HPSE2: variants seen among roughly 807,000 people sequenced by gnomAD.
The protein encoded by HPSE2 is inactive heparanase-2.
A neutral mutation model predicts 60.5 loss-of-function variants in HPSE2; 38 were observed. The ratio of observed to expected loss-of-function variants is 0.63; its 90% CI spans 0.48 to 0.82. The LOEUF (loss-of-function observed/expected upper bound fraction) is 0.82. Among genes scored for constraint, HPSE2 ranks in the 40% least tolerant of loss-of-function variants. The pLI is 0.00. For synonymous variants in HPSE2, 295 were observed against 293.2 expected, an observed-to-expected ratio of 1.01 and a Z score of -0.06; for missense variants, 713 against 740.4, an observed-to-expected ratio of 0.96 and a Z score of 0.43.
At chr10:98,623,674 A>G (rs958900105) in intron 7 of HPSE2, among the ~76,000 whole-genome samples, 2 of 152,228 alleles carry the variant, frequency 1.3e-5, no homozygotes, top group East Asian at 1.9e-4. Flanking sequence ...CAATATCTTC[A>G]TCCACATTTA....
intron 3 of HPSE2, among the ~76,000 whole-genome samples, chr10:98,988,025 C>T (rs193256217): frequency 6.6e-6 from 1 of 152,200 alleles, no homozygotes; most frequent in Non-Finnish European, 1.5e-5. Flanking sequence ...ACATTCCATG[C>T]TCATGGATAG....
intron 3 of HPSE2, among the ~76,000 whole-genome samples, chr10:98,810,665 C>T (rs11189827): frequency 1.3e-5 from 2 of 151,866 alleles, no homozygotes; most frequent in Admixed American, 6.6e-5. Context: ...CAGGGGTATA[C>T]GGTCTTTTGG....
At chr10:99,139,092 T>C (rs1470217050) in intron 3 of HPSE2, among the ~76,000 whole-genome samples, 1 of 152,126 alleles carries the variant, frequency 6.6e-6, no homozygotes, top group African/African-American at 2.4e-5. Context: ...TACCATGAAA[T>C]ACTACTCAGC....
chr10:98,693,588 G>A (rs1412628814), intron 6 of HPSE2, among the ~76,000 whole-genome samples: 1 of 152,190 alleles, frequency 6.6e-6, no homozygotes, highest in Non-Finnish European at 1.5e-5. Context: ...AAAAGCCTAT[G>A]GGAAAACAGT....
intron 2 of HPSE2, among the ~76,000 whole-genome samples, chr10:99,211,035 C>T (rs916801536): frequency 6.6e-6 from 1 of 152,068 alleles, no homozygotes; most frequent in Non-Finnish European, 1.5e-5. Context: ...AACCAAAAAA[C>T]TGTCAGAACT....
chr10:99,208,509 ACCC>A (rs1848839190), intron 2 of HPSE2, among the ~76,000 whole-genome samples: 1 of 151,984 alleles, frequency 6.6e-6, no homozygotes, highest in African/African-American at 2.4e-5. Flanking sequence ...ACATGGCAAA[ACCC>A]CATCTCTGCA....
intron 3 of HPSE2, among the ~76,000 whole-genome samples, chr10:98,750,404 T>C (rs952385374): frequency 1.3e-5 from 2 of 152,118 alleles, no homozygotes; most frequent in Non-Finnish European, 1.5e-5. Context: ...AGCCATTAGA[T>C]GGTTTTGAAT....
chr10:98,568,248 T>A (rs377177488), intron 9 of HPSE2, among the ~76,000 whole-genome samples: 1 of 152,170 alleles, frequency 6.6e-6, no homozygotes, highest in African/African-American at 2.4e-5. Flanking sequence ...CTGGGTGAAG[T>A]CCTTAGTTTA....
At chr10:98,654,881 G>A (rs1947017073) in intron 6 of HPSE2, among the ~76,000 whole-genome samples, 1 of 152,160 alleles carries the variant, frequency 6.6e-6, no homozygotes, top group South Asian at 2.1e-4. Flanking sequence ...TATATCAGTA[G>A]ATGCCAGAGG....
intron 3 of HPSE2, among the ~76,000 whole-genome samples, chr10:98,828,607 C>T (rs1030948101): frequency 6.6e-6 from 1 of 152,130 alleles, no homozygotes; most frequent in African/African-American, 2.4e-5. Context: ...TATGTTCAAC[C>T]ATCACTAATC....
At chr10:99,239,314 A>T (rs1849909349), upstream of HPSE2, among the ~76,000 whole-genome samples, 1 of 152,084 alleles carries the variant, frequency 6.6e-6, no homozygotes, top group Non-Finnish European at 1.5e-5. Context: ...GGTTCCCAGA[A>T]CTGTAAGAAA....
Position 98,920,973 on chromosome 10 carries a change from C to G in HPSE2, c.611-176917G>C, listed in dbSNP as rs371908181. 2.0e-5 allele frequency among the ~76,000 whole-genome samples: 3 copies of G among 152,268 alleles called. No individual in the cohort carries two copies. In the East Asian group the frequency reaches 5.8e-4, roughly 29 times the overall value. On this transcript the variant is annotated intron_variant, in intron 3 of 11. Transcript: ENST00000370552. ...GGATGACATTGCCTTAGAGTCAACA[C>G]ACAAGAATTCTAGTCAAGGGAGGCA...
chr10:98,740,933 C>T (rs1949480554), intron 4 of HPSE2, among the ~76,000 whole-genome samples: 1 of 152,064 alleles, frequency 6.6e-6, no homozygotes, highest in African/African-American at 2.4e-5. Context: ...GAATACTGTA[C>T]ATTGGATATC....
the HPSE2 span, among the ~76,000 whole-genome samples, chr10:99,261,864 C>A: frequency 6.6e-6 from 1 of 152,236 alleles, no homozygotes; most frequent in African/African-American, 2.4e-5. Flanking sequence ...GATCTTGCTT[C>A]AAGTGCCAAA....
intron 7 of HPSE2, among the ~76,000 whole-genome samples, chr10:98,621,334 G>A (rs1946068600): frequency 6.6e-6 from 1 of 152,022 alleles, no homozygotes; most frequent in African/African-American, 2.4e-5. Context: ...CCTGTCGAAA[G>A]GTGGCACACT....
chr10:99,005,572 A>AT (rs1244660264), intron 3 of HPSE2, among the ~76,000 whole-genome samples: 5 of 151,800 alleles, frequency 3.3e-5, no homozygotes, highest in African/African-American at 9.7e-5. Flanking sequence ...ATTTCATACA[A>AT]TTTTTTTCTG....
chr10:98,514,395 T>C (rs1564931730), intron 9 of HPSE2, among the ~76,000 whole-genome samples: 1 of 152,160 alleles, frequency 6.6e-6, no homozygotes. Flanking sequence ...CACTGAATAG[T>C]AAACTTAAAA....
chr10:98,668,251 G>T (rs7912794), intron 6 of HPSE2, among the ~76,000 whole-genome samples: 25,592 of 152,034 alleles, frequency 0.17, 2,417 homozygotes, highest in African/African-American at 0.23. Flanking sequence ...AAATACTGCT[G>T]AAAGTAATGA....
intron 11 of HPSE2, among the ~76,000 whole-genome samples, chr10:98,473,729 A>G (rs1368982815): frequency 6.6e-6 from 1 of 152,134 alleles, no homozygotes; most frequent in Non-Finnish European, 1.5e-5. Flanking sequence ...AAGAAGATAT[A>G]GATTTTCTCT....
Sources: allele counts gnomAD v4.1 joint callset (sites outside exome capture counted in the v4.1 genomes callset), GRCh38; gene constraint gnomAD v4.1.1; transcripts MANE v1.5; gene names NCBI Gene and HGNC (gene_info 2026-07-23, HGNC 2026-07-21).